DDX60: variants seen among roughly 807,000 people sequenced by gnomAD.
DDX60 encodes DExD/H-box helicase 60, also known as probable ATP-dependent RNA helicase DDX60.
DDX60 carries 165 observed loss-of-function variants against 212.8 expected under a neutral mutation model. The ratio of observed to expected loss-of-function variants is 0.78; its 90% CI spans 0.68 to 0.88. The LOEUF (loss-of-function observed/expected upper bound fraction) is 0.88, where lower values mean the gene tolerates loss of function less well. DDX60 is among the 40% of genes least tolerant of loss of function. DDX60 has a pLI of 0.00. For missense variants in DDX60, 1,905 were observed against 2,003.9 expected (o/e 0.95, Z 0.94); for synonymous variants, 703 against 685.3 (o/e 1.03, Z -0.40).
intron 22 of DDX60, among the ~76,000 whole-genome samples, chr4:168,266,058 T>C (rs111818096): frequency 2.2e-4 from 33 of 152,314 alleles, no homozygotes; most frequent in Non-Finnish European, 4.4e-4. Flanking sequence ...TAAGTTCCCA[T>C]AACAAAATCC....
intron 19 of DDX60, among the ~76,000 whole-genome samples, chr4:168,269,437 G>C (rs1734994656): frequency 6.6e-6 from 1 of 151,682 alleles, no homozygotes; most frequent in Non-Finnish European, 1.5e-5. Flanking sequence ...TCTCCACTAA[G>C]AAAACAAAAA....
chr4:168,302,228 G>A, intron 6 of DDX60, 72 bp downstream of exon 6: 1 of 634,262 alleles, frequency 1.6e-6, no homozygotes, highest in Non-Finnish European at 2.6e-6. Context: ...TGAGAACTCT[G>A]TATGATTTTT....
intron 10 of DDX60, 91 bp downstream of exon 10, chr4:168,286,957 A>G: frequency 1.0e-6 from 1 of 962,358 alleles, no homozygotes; most frequent in African/African-American, 1.7e-5. Context: ...CCAGAAAATT[A>G]TTTATACTTG....
chr4:168,242,423 C>T (rs1405303562), intron 30 of DDX60, among the ~76,000 whole-genome samples: 1 of 152,200 alleles, frequency 6.6e-6, no homozygotes, highest in East Asian at 1.9e-4. Flanking sequence ...GGGCACTATA[C>T]CCTGCAAAGC....
intron 1 of DDX60, among the ~76,000 whole-genome samples, chr4:168,312,000 G>A (rs903332051): frequency 3.3e-5 from 5 of 152,174 alleles, no homozygotes; most frequent in African/African-American, 1.2e-4. Flanking sequence ...TACTGTGCAG[G>A]AGAGTAATGA....
rs549216874 is a variant in DDX60, at chr4:168,245,068, C to T, written c.4164+1350G>A. Among the ~76,000 whole-genome samples the T allele has an allele frequency of 1.7e-3, 263 of 152,268 alleles. 1 individual carries two copies. Among genetic ancestry groups the T allele is most frequent in the African/African-American group, 5.9e-3 (244 of 41,566 alleles). The stretch of plus-strand genomic sequence containing the variant: ...GTACTTAACACTACTGAACTGTACA[C>T]TTAAAATGGTTAAGATGGTAAATTT... On this transcript the variant is annotated intron_variant, in intron 30 of 37. Coordinates refer to ENST00000393743, the MANE Select transcript of DDX60 (RefSeq NM_017631.6).
intron 23 of DDX60, 62 bp from the exon 24 acceptor site, chr4:168,262,190 A>G (rs533744500): frequency 6.6e-7 from 1 of 1,523,846 alleles, no homozygotes; most frequent in South Asian, 1.3e-5. Flanking sequence ...AGTATTTCTC[A>G]ATTATATGCC....
At chr4:168,274,717 A>G (rs934352474) in intron 16 of DDX60, among the ~76,000 whole-genome samples, 4 of 151,868 alleles carry the variant, frequency 2.6e-5, no homozygotes, top group African/African-American at 9.7e-5. Context: ...CGGTCTTCCT[A>G]TTCATGAAAA....
chr4:168,268,661 C>T (rs1312564999), intron 20 of DDX60, among the ~76,000 whole-genome samples, 193 bp downstream of exon 20: 1 of 141,244 alleles, frequency 7.1e-6, no homozygotes, highest in East Asian at 2.2e-4. Flanking sequence ...TGGGGAAGTC[C>T]TTAATTTATA....
At chr4:168,325,086 T>TGA in the DDX60 span, among the ~76,000 whole-genome samples, 6 of 152,354 alleles carry the variant, frequency 3.9e-5, no homozygotes, top group African/African-American at 1.2e-4. Context: ...AACTTTTTTT[T>TGA]GAGCATTATG....
chr4:168,295,701 G>A (rs184470852), intron 6 of DDX60, among the ~76,000 whole-genome samples: 1 of 152,226 alleles, frequency 6.6e-6, no homozygotes, highest in East Asian at 1.9e-4. Context: ...AGGTATATCT[G>A]CACTCCCATG....
chr4:168,289,941 T>G (rs1027903921), intron 8 of DDX60, among the ~76,000 whole-genome samples: 1 of 152,170 alleles, frequency 6.6e-6, no homozygotes, highest in Admixed American at 6.5e-5. Context: ...TCCCCCCTGT[T>G]TTGCCTCTAC....
intron 8 of DDX60, among the ~76,000 whole-genome samples, chr4:168,289,155 T>C (rs1402676622): frequency 6.6e-6 from 1 of 152,200 alleles, no homozygotes; most frequent in Non-Finnish European, 1.5e-5. Context: ...GGATCGTTGT[T>C]ATGTCTAATT....
chr4:168,222,304 T>C (rs1308576558), intron 35 of DDX60, among the ~76,000 whole-genome samples: 1 of 151,974 alleles, frequency 6.6e-6, no homozygotes. Context: ...ATTACCTGAA[T>C]AAAAAGGAGG....
chr4:168,226,541 G>A (rs924719498), intron 33 of DDX60, among the ~76,000 whole-genome samples: 2 of 151,944 alleles, frequency 1.3e-5, no homozygotes, highest in Non-Finnish European at 2.9e-5. Context: ...ATTTTTGTGG[G>A]TCCATAGCAG....
intron 1 of DDX60, among the ~76,000 whole-genome samples, chr4:168,314,042 C>T (rs903597164): frequency 6.6e-6 from 1 of 152,096 alleles, no homozygotes; most frequent in African/African-American, 2.4e-5. Context: ...GTTTGAGATC[C>T]TACAGGTTGC....
chr4:168,240,277 C>A (rs1408088154), intron 30 of DDX60, among the ~76,000 whole-genome samples: 1 of 152,028 alleles, frequency 6.6e-6, no homozygotes, highest in Non-Finnish European at 1.5e-5. Context: ...AAGTGAAGGA[C>A]CTTTTCAAGG....
intron 13 of DDX60, among the ~76,000 whole-genome samples, chr4:168,282,917 GA>G (rs1394804861): frequency 6.6e-6 from 1 of 152,000 alleles, no homozygotes; most frequent in Non-Finnish European, 1.5e-5. Context: ...CCCAGGAAAA[GA>G]GTAGAAAAAT....
intron 1 of DDX60, among the ~76,000 whole-genome samples, chr4:168,315,264 C>T (rs903645837): frequency 1.3e-5 from 2 of 152,100 alleles, no homozygotes; most frequent in Admixed American, 6.5e-5. Flanking sequence ...AGCAACATTC[C>T]TGGATGTTTT....
Sources: gnomAD v4.1 joint callset for allele counts (sites outside exome capture counted in the v4.1 genomes callset) on GRCh38, gnomAD v4.1.1 for gene constraint, MANE v1.5 for transcripts, NCBI Gene and HGNC (gene_info 2026-07-23, HGNC 2026-07-21) for gene names.